The following BID variants were observed in gnomAD, a reference collection of about 807,000 sequenced individuals.
BID encodes BH3-interacting domain death agonist.
In BID, 19 loss-of-function variants were observed where a neutral mutation model predicts 17.4. The ratio of observed to expected loss-of-function variants is 1.09; its 90% CI spans 0.76 to 1.60. The LOEUF (loss-of-function observed/expected upper bound fraction) is 1.60, where lower values mean the gene tolerates loss of function less well. BID is among the 40% of genes most tolerant of loss of function. The probability of loss-of-function intolerance (pLI) is 0.00; values close to 1 mark genes in which losing one functional copy is unlikely to be tolerated. For missense variants in BID, 226 were observed against 256.0 expected, an observed-to-expected ratio of 0.88 and a Z score of 0.80; for synonymous variants, 108 against 102.8, an observed-to-expected ratio of 1.05 and a Z score of -0.31.
At position 17,774,411 on chromosome 22, in the gene BID, C is replaced by G. The variant is rs1012882877; in HGVS notation, c.-89G>C. Reference sequence around the variant, plus strand: ...TCCAGCCGCGGGGGCGCGGGCGCGTCCGGGCCGAGGCAGCGTCTCCCAGGC... The same window carrying G: ...TCCAGCCGCGGGGGCGCGGGCGCGTGCGGGCCGAGGCAGCGTCTCCCAGGC... On this transcript the variant is annotated 5_prime_UTR_variant, in exon 1 of 6. Transcript: ENST00000622694. The G allele has an allele frequency of 1.5e-5, 4 of 269,596 alleles. No homozygotes were observed. The highest frequency in any genetic ancestry group is 3.2e-5 in the Non-Finnish European group (4 of 125,416). The allele number at this position is 269,596 out of a possible 1,614,324, so 16.7% of individuals were successfully genotyped here. A position where few individuals can be genotyped will look rare whatever the true frequency, so the allele number is the denominator to read the frequency against.
rs1176052600 is a variant in BID at position 17,769,109 on chromosome 22, A to T, written c.-59+5272T>A. On this transcript the variant is annotated intron_variant, in intron 1 of 5. Coordinates refer to ENST00000622694, the MANE Select transcript of BID (RefSeq NM_001196.4). This position sits in a 1 kb window ranked among gnomAD's most constrained non-coding sequence, Gnocchi z 4.8. ...ATAAATAAAGAACAAGGCTTTCACC[A>T]CATCCCAGGCAGAGTCCAAGTCAGG... Among the ~76,000 whole-genome samples the T allele has an allele frequency of 6.6e-6, 1 of 152,242 alleles. No individual in the cohort carries two copies.
chr22:17,747,322 G>A (rs910039812), intron 2 of BID, among the ~76,000 whole-genome samples: 2 of 152,122 alleles, frequency 1.3e-5, no homozygotes, highest in African/African-American at 4.8e-5. Context: ...TGATCTTCTA[G>A]ATCCACTTTG....
chr22:17,774,511 G>A, upstream of BID: 1 of 160,086 alleles, frequency 6.2e-6, no homozygotes, highest in South Asian at 1.9e-4. Flanking sequence ...CCCACGCCCG[G>A]GCCCGCCCCG....
In BID at chr22:17,737,931, G is replaced by T. The variant is rs1601833314; in HGVS notation, c.576+86C>A. On this transcript the variant is annotated intron_variant, in intron 5 of 5. Transcript: ENST00000622694. ...TGTAACCCTTGTGCTGGCATCAGAGGCAGGGGCCCCGCTGGGCTTCTCAAC... is the reference window on the plus strand; with the variant it reads ...TGTAACCCTTGTGCTGGCATCAGAGTCAGGGGCCCCGCTGGGCTTCTCAAC... 7 of 1,416,646 alleles carry T rather than the reference G, an allele frequency of 4.9e-6. No homozygotes were observed. In the South Asian group the frequency reaches 8.4e-5, roughly 17 times the overall value. The allele number at this position is 1,416,646 out of a possible 1,614,324, so 87.8% of individuals were successfully genotyped here.
intron 1 of BID, among the ~76,000 whole-genome samples, chr22:17,753,566 T>A (rs1230417335): frequency 6.6e-6 from 1 of 152,096 alleles, no homozygotes; most frequent in Non-Finnish European, 1.5e-5. Context: ...TAAGAAGAAA[T>A]CCAATGAGTC....
intron 3 of BID, among the ~76,000 whole-genome samples, chr22:17,742,150 C>T (rs1239552896): frequency 6.6e-6 from 1 of 152,220 alleles, no homozygotes; most frequent in Non-Finnish European, 1.5e-5. Context: ...CCCCTCTTTC[C>T]AGGCTCGCCA....
chr22:17,764,916 A>C (rs1383425749), intron 1 of BID, among the ~76,000 whole-genome samples: 1 of 152,154 alleles, frequency 6.6e-6, no homozygotes, highest in African/African-American at 2.4e-5. Context: ...CTGCATCTGA[A>C]ATGACCTCCC....
Position 17,769,169 on chromosome 22 carries a change from G to A in BID, c.-59+5212C>T, listed in dbSNP as rs1022875331. Among the ~76,000 whole-genome samples the A allele has an allele frequency of 6.6e-6, 1 of 152,274 alleles. No homozygotes were observed. Among genetic ancestry groups the A allele is most frequent in the East Asian group, 1.9e-4 (1 of 5,204 alleles). On this transcript the variant is annotated intron_variant, in intron 1 of 5. Transcript: ENST00000622694. This position sits in a 1 kb window ranked among gnomAD's most constrained non-coding sequence, Gnocchi z 4.8. ...CACAGAGCACAGCAGGGCCTGTGCC[G>A]TGCCAACGCCATGCCCCTGCCTGGC...
intron 3 of BID, 103 bp from the exon 4 acceptor site, chr22:17,739,591 G>A: frequency 6.2e-6 from 9 of 1,442,888 alleles, no homozygotes; most frequent in Non-Finnish European, 8.4e-6. Context: ...TCCGCGATGG[G>A]ACAAGGCCAG....
intron 5 of BID, among the ~76,000 whole-genome samples, chr22:17,736,830 G>GTCTT (rs1274479857): frequency 6.6e-6 from 1 of 150,780 alleles, no homozygotes; most frequent in Non-Finnish European, 1.5e-5. Context: ...TTTTGAGACA[G>GTCTT]TCTTACCCCA....
intron 5 of BID, among the ~76,000 whole-genome samples, chr22:17,737,048 G>A (rs991956605): frequency 5.9e-5 from 9 of 151,984 alleles, no homozygotes; most frequent in East Asian, 1.9e-4. Context: ...TTCATGATCC[G>A]CCTGCCTTGG....
In BID at chr22:17,735,367, G is replaced by A. The variant is rs1031696399; in HGVS notation, c.*213C>T. 5.1e-6 allele frequency: 3 copies of A among 593,658 alleles called. No homozygotes were observed. The highest frequency in any genetic ancestry group is 4.4e-4 in the Middle Eastern group (1 of 2,286). 36.8% of individuals were successfully genotyped at this position (593,658 alleles called of 1,614,324 possible). A position where few individuals can be genotyped will look rare whatever the true frequency, so the allele number is the denominator to read the frequency against. The stretch of plus-strand genomic sequence containing the variant: ...TGATATGAAGGCCATTCAAATACGT[G>A]TAAATGGACATTTTCATTCAAGTAT... On this transcript the variant is annotated 3_prime_UTR_variant, in exon 6 of 6. Transcript: ENST00000622694.
chr22:17,737,311 C>G (rs2061427093), intron 5 of BID, among the ~76,000 whole-genome samples: 1 of 152,082 alleles, frequency 6.6e-6, no homozygotes. Context: ...AGATTTCAGA[C>G]AGTTCCCCCC....
chr22:17,770,964 C>T (rs973117185), intron 1 of BID, among the ~76,000 whole-genome samples: 7 of 152,176 alleles, frequency 4.6e-5, no homozygotes, highest in Admixed American at 2.0e-4. Context: ...AGACAGGTAT[C>T]TCCTCCCCTG....
Position 17,738,016 on chromosome 22 carries a change from C to A in BID, c.576+1G>T, listed in dbSNP as rs374666749. ...AAGGAGCTGACCTCAAGGGTTCTTA[C>A]ATTTCTGGCTAAGCTCCTCACGTAG... On this transcript the variant is annotated splice_donor_variant, in intron 5 of 5. Transcript: ENST00000622694. LOFTEE classifies it high-confidence loss of function. 2 of 1,614,010 alleles carry A rather than the reference C, an allele frequency of 1.2e-6. No homozygotes were observed. The highest frequency in any genetic ancestry group is 1.7e-6 in the Non-Finnish European group (2 of 1,179,880).
chr22:17,758,197 C>A (rs2061608423), intron 1 of BID, among the ~76,000 whole-genome samples: 1 of 152,202 alleles, frequency 6.6e-6, no homozygotes, highest in African/African-American at 2.4e-5. Flanking sequence ...GGCAAGTGAC[C>A]TTCCTGCCAC....
chr22:17,760,754 A>G (rs2061632271), intron 1 of BID, among the ~76,000 whole-genome samples: 1 of 152,158 alleles, frequency 6.6e-6, no homozygotes. Flanking sequence ...CAGAGGCTCT[A>G]TTAGTCACTG....
At chr22:17,759,246 C>A (rs371197784) in intron 1 of BID, among the ~76,000 whole-genome samples, 1,410 of 114,760 alleles carry the variant, frequency 0.012, 43 homozygotes, top group African/African-American at 0.041. Flanking sequence ...AAAAACAAAA[C>A]AAAAAAAAAA....
intron 1 of BID, among the ~76,000 whole-genome samples, chr22:17,771,577 C>T (rs1478837400): frequency 6.6e-6 from 1 of 152,172 alleles, no homozygotes; most frequent in Non-Finnish European, 1.5e-5. Flanking sequence ...GCTTCTTCTA[C>T]AGAAAAGGAT....
Sources: gnomAD v4.1 joint callset for allele counts (sites outside exome capture counted in the v4.1 genomes callset) on GRCh38, gnomAD v4.1.1 for gene constraint, Gnocchi (gnomAD v3.1) non-coding constraint, MANE v1.5 for transcripts, NCBI Gene and HGNC (gene_info 2026-07-23, HGNC 2026-07-21) for gene names.